Variants in DYSF observed in about 807,000 individuals in gnomAD.
DYSF encodes dystrophy-associated fer-1-like 1.
DYSF carries 212 observed loss-of-function variants against 274.9 expected under a neutral mutation model. That is an observed-to-expected ratio of 0.77 (90% confidence interval 0.69 to 0.86). The LOEUF (loss-of-function observed/expected upper bound fraction) is 0.86. DYSF is among the 40% of genes least tolerant of loss of function. The pLI, the probability that DYSF is intolerant of heterozygous loss-of-function variation, is 0.00. For synonymous variants in DYSF, 1,091 were observed against 1,078.7 expected (o/e 1.01, Z -0.22); for missense variants, 2,666 against 2,783.2 (o/e 0.96, Z 0.95).
At chr2:71,620,320 G>A (rs2094064405) in intron 40 of DYSF, among the ~76,000 whole-genome samples, 1 of 152,200 alleles carries the variant, frequency 6.6e-6, no homozygotes, top group Admixed American at 6.5e-5. Flanking sequence ...TGGGCTTTGG[G>A]CCCATTCTCC....
At chr2:71,466,987 G>C (rs1573283588) in intron 1 of DYSF, 54 bp downstream of exon 1, 3 of 1,532,874 alleles carry the variant, frequency 2.0e-6, no homozygotes, top group Non-Finnish European at 2.6e-6. Flanking sequence ...GACTCTCGGC[G>C]CTCACTGGCG....
Position 71,501,873 on chromosome 2 carries a change from T to C in DYSF, c.240-1341T>C, listed in dbSNP as rs114221062. 3.1e-3 allele frequency among the ~76,000 whole-genome samples: 466 copies of C among 152,322 alleles called. 1 individual carries two copies. Among genetic ancestry groups the C allele is most frequent in the African/African-American group, 8.6e-3 (356 of 41,568 alleles). ...TGCTGTGAACACAGGTGTGCAAATA[T>C]CTAGGTCCCTGATTTCAATTTTTTT... On this transcript the variant is annotated intron_variant, in intron 3 of 55. Coordinates refer to ENST00000410020, the MANE Select transcript of DYSF (RefSeq NM_001130987.2).
At position 71,495,715 on chromosome 2, in the gene DYSF, G is replaced by A. The variant is rs150568066; in HGVS notation, c.240-7499G>A. 8.8e-3 allele frequency among the ~76,000 whole-genome samples: 1,346 copies of A among 152,168 alleles called. 20 individuals carry two copies. The highest frequency in any genetic ancestry group is 0.031 in the African/African-American group (1,287 of 41,538). On this transcript the variant is annotated intron_variant, in intron 3 of 55. Coordinates refer to ENST00000410020, the MANE Select transcript of DYSF (RefSeq NM_001130987.2). Reference sequence around the variant, plus strand: ...AGCACCAGGGGCCGTGGTCCTCTAGGCTGCCCCAGCCCTGGTTCCTGCACA... The same window carrying A: ...AGCACCAGGGGCCGTGGTCCTCTAGACTGCCCCAGCCCTGGTTCCTGCACA...
chr2:71,510,281 C>T (rs1395912389), intron 4 of DYSF, among the ~76,000 whole-genome samples: 2 of 152,184 alleles, frequency 1.3e-5, no homozygotes, highest in African/African-American at 2.4e-5. Flanking sequence ...CACCCTAGAC[C>T]TACTGAACTG....
At chr2:71,566,909 C>G (rs1263599368) in intron 24 of DYSF, among the ~76,000 whole-genome samples, 2 of 152,174 alleles carry the variant, frequency 1.3e-5, no homozygotes, top group African/African-American at 4.8e-5. Context: ...TCCTACCTGC[C>G]CTGGGCTCTC....
intron 16 of DYSF, among the ~76,000 whole-genome samples, chr2:71,536,641 G>C (rs954172357): frequency 2.0e-5 from 3 of 152,236 alleles, no homozygotes; most frequent in African/African-American, 7.2e-5. Flanking sequence ...TGTGTCAAAG[G>C]CATCGGCGTA....
At chr2:71,566,353 CAAA>C (rs773800974) in intron 24 of DYSF, among the ~76,000 whole-genome samples, 1 of 49,794 alleles carries the variant, frequency 2.0e-5, no homozygotes, top group Non-Finnish European at 3.8e-5. Context: ...TGGTTTCAAG[CAAA>C]AAAAAAAAAA....
At chr2:71,456,585 C>T (rs1014911260) in intron 1 of DYSF, among the ~76,000 whole-genome samples, 1 of 152,302 alleles carries the variant, frequency 6.6e-6, no homozygotes, top group African/African-American at 2.4e-5. Flanking sequence ...TAAAGCCCCT[C>T]CTTTGGTTAC....
chr2:71,481,905 C>T lies in DYSF; in HGVS notation c.174C>T (p.Ile58=), dbSNP rs1478264060. 1 of 1,614,072 alleles carries T rather than the reference C, an allele frequency of 6.2e-7. No homozygotes were observed. Among genetic ancestry groups the T allele is most frequent in the Non-Finnish European group, 8.5e-7 (1 of 1,179,944 alleles). Reference sequence around the variant, plus strand: ...GATTTGAATGGGACCTCAAGGGCATCCCCCTGGACCAGGGCTCTGAGCTTC... The same window carrying T: ...GATTTGAATGGGACCTCAAGGGCATTCCCCTGGACCAGGGCTCTGAGCTTC... The part of the protein sequence containing the change: ...NEGFEWDLKG[I]PLDQGSELHV... The change falls in exon 3 of 56, where the codon ATC becomes ATT. Residue 58 remains isoleucine, a synonymous_variant. Transcript: ENST00000410020.
chr2:71,682,149 G>T (rs2095304587), intron 54 of DYSF, among the ~76,000 whole-genome samples: 2 of 152,070 alleles, frequency 1.3e-5, no homozygotes, highest in African/African-American at 4.8e-5. Context: ...GCTTATCTGG[G>T]GCTCGGTGGG....
At chr2:71,576,361 A>G (rs1220028377) in intron 30 of DYSF, 1 of 152,484 alleles carries the variant, frequency 6.6e-6, no homozygotes, top group Non-Finnish European at 1.5e-5. Context: ...TAGGACCATC[A>G]GTCAAGCAGC....
chr2:71,475,799 T>C lies in DYSF; in HGVS notation c.92-5084T>C, dbSNP rs2082352054. On this transcript the variant is annotated intron_variant, in intron 1 of 55. Coordinates refer to ENST00000410020, the MANE Select transcript of DYSF (RefSeq NM_001130987.2). ...ATTTTATTTTTTAGAGACAGGGTCT[T>C]GCTCTGTTGCCCAGGCTGGAGTGCA... Among the ~76,000 whole-genome samples, 4 of 152,212 alleles carry C rather than the reference T, an allele frequency of 2.6e-5. No individual in the cohort carries two copies. The South Asian group carries it at 6.2e-4, about 24-fold the overall frequency.
chr2:71,609,124 TGGGGGTCCCCATA>T (rs1345530368), intron 36 of DYSF, among the ~76,000 whole-genome samples: 3 of 152,126 alleles, frequency 2.0e-5, no homozygotes, highest in Non-Finnish European at 4.4e-5. Context: ...GACATCAAAC[TGGGGGTCCCCATA>T]GCAGCCAGGT....
At chr2:71,468,661 T>A (rs1324790343) in intron 1 of DYSF, among the ~76,000 whole-genome samples, 7 of 152,188 alleles carry the variant, frequency 4.6e-5, no homozygotes, top group Non-Finnish European at 1.0e-4. Flanking sequence ...CCGTTTCAAG[T>A]CTATTTGTAT....
intron 42 of DYSF, among the ~76,000 whole-genome samples, chr2:71,646,842 A>T (rs573215937): frequency 2.0e-5 from 3 of 152,348 alleles, no homozygotes; most frequent in African/African-American, 7.2e-5. Flanking sequence ...GACACATCTA[A>T]AACAATACAA....
At chr2:71,568,467 TC>T in intron 26 of DYSF, 129 bp downstream of exon 26, 1 of 1,237,698 alleles carries the variant, frequency 8.1e-7, no homozygotes, top group Non-Finnish European at 1.1e-6. Flanking sequence ...CATAGGAACT[TC>T]CGCTGAACTC....
chr2:71,491,604 C>CT (rs1175921925), intron 3 of DYSF, among the ~76,000 whole-genome samples: 1 of 152,208 alleles, frequency 6.6e-6, no homozygotes, highest in Non-Finnish European at 1.5e-5. Flanking sequence ...GTGTGTCCTC[C>CT]TCTATGTGCC....
intron 29 of DYSF, among the ~76,000 whole-genome samples, chr2:71,573,205 A>G (rs2152821740): frequency 6.6e-6 from 1 of 152,274 alleles, no homozygotes; most frequent in African/African-American, 2.4e-5. Flanking sequence ...GGCTCCAGGG[A>G]GGGGCAAGGC....
intron 3 of DYSF, among the ~76,000 whole-genome samples, chr2:71,486,160 G>A (rs1345334641): frequency 6.6e-6 from 1 of 152,012 alleles, no homozygotes; most frequent in Non-Finnish European, 1.5e-5. Context: ...CGTTTTGTTT[G>A]TGGGAATCCT....
Sources: allele counts gnomAD v4.1 joint callset (sites outside exome capture counted in the v4.1 genomes callset), GRCh38; gene constraint gnomAD v4.1.1; transcripts MANE v1.5; gene names NCBI Gene and HGNC (gene_info 2026-07-23, HGNC 2026-07-21).